The following TAF3 variants were observed in gnomAD, a reference collection of about 807,000 sequenced individuals.
TAF3 encodes TATA-box binding protein associated factor 3.
A neutral mutation model predicts 80.6 loss-of-function variants in TAF3; 7 were observed. The ratio of observed to expected loss-of-function variants is 0.09; its 90% CI spans 0.05 to 0.16. TAF3 has a LOEUF of 0.16. Ranked by LOEUF, TAF3 falls within the 10% of genes least tolerant of loss-of-function variation. The probability of loss-of-function intolerance (pLI) is 1.00; values close to 1 mark genes in which losing one functional copy is unlikely to be tolerated. For missense variants in TAF3, 921 were observed against 1,140.2 expected, an observed-to-expected ratio of 0.81 and a Z score of 2.77; for synonymous variants, 444 against 446.1, an observed-to-expected ratio of 1.00 and a Z score of 0.06.
chr10:7,904,679 A>C (rs998225775), intron 2 of TAF3, among the ~76,000 whole-genome samples: 3 of 152,216 alleles, frequency 2.0e-5, no homozygotes, highest in African/African-American at 7.2e-5. Context: ...ACACATTGCA[A>C]CTGGCAGGTG....
chr10:7,850,443 A>G (rs1837015732), intron 2 of TAF3, among the ~76,000 whole-genome samples: 1 of 152,192 alleles, frequency 6.6e-6, no homozygotes, highest in Non-Finnish European at 1.5e-5. Flanking sequence ...TGGGAGGCTG[A>G]GGTGGACAGA....
chr10:7,970,170 C>T (rs180798521), intron 3 of TAF3, among the ~76,000 whole-genome samples: 5 of 152,244 alleles, frequency 3.3e-5, no homozygotes, highest in Admixed American at 6.5e-5. Flanking sequence ...TGGGAGTTGT[C>T]GACAATGGAA....
At chr10:7,968,768 G>C (rs560240667) in intron 3 of TAF3, among the ~76,000 whole-genome samples, 50 of 152,286 alleles carry the variant, frequency 3.3e-4, no homozygotes, top group African/African-American at 1.2e-3. Flanking sequence ...CAGGCTGTCA[G>C]ATGCTATAAT....
chr10:8,013,866 C>T lies in TAF3; in HGVS notation c.2675+29C>T, dbSNP rs748958349. 12 of 1,581,600 alleles carry T rather than the reference C, an allele frequency of 7.6e-6. No individual in the cohort carries two copies. The South Asian group carries it at 1.3e-4, about 17-fold the overall frequency. The stretch of plus-strand genomic sequence containing the variant: ...AGTGCCCAGGGCGCCCTGCCGGCCA[C>T]ACTCATTAGGCAGCATCAGCCGCTC... On this transcript the variant is annotated intron_variant, in intron 6 of 6. Coordinates refer to ENST00000344293, the MANE Select transcript of TAF3 (RefSeq NM_031923.4).
chr10:7,824,440 C>T lies in TAF3; in HGVS notation c.289C>T (p.Pro97Ser). ...GCCTGTCACCTTCCCACACCAAATT[C>T]CGTCATTTCCTGTTAGCAAGAACAA... is the stretch of plus-strand genomic sequence containing the variant. ...IEPVTFPHQI[P>S]SFPVSKNNVL... Residue 97 changes from proline to serine, a missense_variant, in exon 2 of 7, where the codon CCG becomes TCG. By Grantham distance (74) the Pro-to-Ser change is moderately conservative. Transcript: ENST00000344293. The T allele has an allele frequency of 6.2e-7, 1 of 1,614,142 alleles. No individual in the cohort carries two copies. The highest frequency in any genetic ancestry group is 8.5e-7 in the Non-Finnish European group (1 of 1,180,018).
chr10:7,854,002 T>C (rs1837053689), intron 2 of TAF3, among the ~76,000 whole-genome samples: 1 of 152,204 alleles, frequency 6.6e-6, no homozygotes, highest in Non-Finnish European at 1.5e-5. Context: ...TGTGCCTCCT[T>C]TATATCAACA....
intron 2 of TAF3, among the ~76,000 whole-genome samples, chr10:7,954,848 C>G (rs556704025): frequency 7.3e-6 from 1 of 136,306 alleles, no homozygotes; most frequent in African/African-American, 2.6e-5. Context: ...TAGTGAGATT[C>G]AGAGTGCACT....
rs145731643 is a variant in TAF3 at position 7,929,543 on chromosome 10, G to A, written c.410-34377G>A. Among the ~76,000 whole-genome samples the A allele has an allele frequency of 4.8e-3, 737 of 152,062 alleles. 6 individuals carry two copies. Among genetic ancestry groups the A allele is most frequent in the African/African-American group, 0.017 (714 of 41,486 alleles). On this transcript the variant is annotated intron_variant, in intron 2 of 6. Transcript: ENST00000344293. ...CTCCAGGTTAGCTGAGACTACAGGC[G>A]TGTGCCACCACACCCGGCTAATTTT...
rs925074932 is a variant in TAF3, at chr10:8,009,502, C to G, written c.2568+172C>G. On this transcript the variant is annotated intron_variant, in intron 5 of 6. Transcript: ENST00000344293. The surrounding 1 kb of genome is among the most constrained non-coding windows in gnomAD (Gnocchi z 4.1). The stretch of plus-strand genomic sequence containing the variant: ...GTGGCTCAGGCTGGAGTACAGTGGC[C>G]CAATCATAGCTCACTGCAACCTCAA... Among the ~76,000 whole-genome samples, 6 of 152,128 alleles carry G rather than the reference C, an allele frequency of 3.9e-5. No individual in the cohort carries two copies. Among genetic ancestry groups the G allele is most frequent in the African/African-American group, 1.4e-4 (6 of 41,432 alleles).
At chr10:7,854,072 A>T (rs1837054453) in intron 2 of TAF3, among the ~76,000 whole-genome samples, 1 of 152,226 alleles carries the variant, frequency 6.6e-6, no homozygotes, top group Admixed American at 6.5e-5. Flanking sequence ...TTAAACATTT[A>T]CCAGCATATC....
intron 4 of TAF3, among the ~76,000 whole-genome samples, chr10:8,008,131 C>T (rs1332876990): frequency 3.6e-5 from 5 of 137,244 alleles, no homozygotes; most frequent in African/African-American, 1.1e-4. Context: ...AAGTCTCACT[C>T]TGTAGCCCAA....
At position 7,965,476 on chromosome 10, in the gene TAF3, T is replaced by C. The variant is rs192449485; in HGVS notation, c.1966T>C (p.Leu656=). 9.9e-6 allele frequency: 16 copies of C among 1,611,262 alleles called. No homozygotes were observed. The highest frequency in any genetic ancestry group is 1.3e-5 in the Non-Finnish European group (15 of 1,179,402). The change falls in exon 3 of 7, where the codon TTG becomes CTG. Residue 656 remains leucine, a synonymous_variant. Transcript: ENST00000344293. ...KMKAPAPPLV[L]PPKELALPLF... Reference sequence around the variant, plus strand: ...GAAAGCCCCAGCACCCCCACTGGTGTTGCCCCCAAAAGAGTTGGCCCTGCC... The same window carrying C: ...GAAAGCCCCAGCACCCCCACTGGTGCTGCCCCCAAAAGAGTTGGCCCTGCC...
intron 4 of TAF3, among the ~76,000 whole-genome samples, chr10:7,999,643 A>G (rs888004929): frequency 6.6e-6 from 1 of 151,880 alleles, no homozygotes; most frequent in Admixed American, 6.6e-5. Flanking sequence ...TTTTAGGAGA[A>G]CTGGGGTTTC....
Position 7,964,775 on chromosome 10 carries a change from G to C in TAF3, c.1265G>C (p.Ser422Thr). 2 of 1,614,114 alleles carry C rather than the reference G, an allele frequency of 1.2e-6. No homozygotes were observed. The highest frequency in any genetic ancestry group is 8.5e-7 in the Non-Finnish European group (1 of 1,180,032). Residue 422 changes from serine (S) to threonine (T), a missense_variant, in exon 3 of 7, where the codon AGC (serine) becomes ACC (threonine). Ser to Thr is a moderately conservative substitution (Grantham distance 58, BLOSUM62 1). This residue lies in a region of TAF3 where 743 missense variants were observed against 821.0 expected (regional missense o/e 0.90). Transcript: ENST00000344293. The surrounding 1 kb of genome is among the most constrained non-coding windows in gnomAD (Gnocchi z 4.1). Reference sequence around the variant, plus strand: ...GAATCTGAAGGAGACATTTTTACTAGCCCTAAGAGAATTTCAGGCCCGGAG... The same window carrying C: ...GAATCTGAAGGAGACATTTTTACTACCCCTAAGAGAATTTCAGGCCCGGAG... The part of the protein sequence containing the change: ...GSESEGDIFT[S>T]PKRISGPECT...
At chr10:7,978,272 A>G (rs1032582986) in intron 4 of TAF3, among the ~76,000 whole-genome samples, 9 of 152,228 alleles carry the variant, frequency 5.9e-5, no homozygotes, top group Non-Finnish European at 1.0e-4. Flanking sequence ...TAGAGAGGAC[A>G]GAAAATTTGC....
intron 2 of TAF3, among the ~76,000 whole-genome samples, chr10:7,838,924 GGTTT>G (rs895004214): frequency 5.4e-5 from 3 of 55,228 alleles, no homozygotes; most frequent in African/African-American, 1.5e-4. Context: ...TTTTTTTTTT[GGTTT>G]GTTTGTTTTG....
At chr10:7,833,880 G>T in intron 2 of TAF3, 1 of 834,212 alleles carries the variant, frequency 1.2e-6, no homozygotes, top group Non-Finnish European at 1.6e-6. Flanking sequence ...GATGAGTTTG[G>T]AGCGGTACCC....
intron 2 of TAF3, among the ~76,000 whole-genome samples, chr10:7,927,378 T>C (rs1837826013): frequency 6.6e-6 from 1 of 152,246 alleles, no homozygotes; most frequent in Non-Finnish European, 1.5e-5. Flanking sequence ...ACTCAAGTAG[T>C]CCTTTGCTAG....
chr10:7,835,993 C>G (rs1191555855), intron 2 of TAF3, among the ~76,000 whole-genome samples: 2 of 152,188 alleles, frequency 1.3e-5, no homozygotes, highest in Non-Finnish European at 2.9e-5. Context: ...ATTCCTGAAG[C>G]TGCTTTTCTT....
Sources: gnomAD v4.1 joint callset for allele counts (sites outside exome capture counted in the v4.1 genomes callset) on GRCh38, gnomAD v4.1.1 for gene constraint, gnomAD v4.1.1 regional missense constraint, Gnocchi (gnomAD v3.1) non-coding constraint, MANE v1.5 for transcripts, NCBI Gene and HGNC (gene_info 2026-07-23, HGNC 2026-07-21) for gene names.